The following MANSC1 variants were observed in gnomAD, a reference collection of about 807,000 sequenced individuals.
The protein encoded by MANSC1 is MANSC domain containing 1.
A neutral mutation model predicts 14.1 loss-of-function variants in MANSC1; 13 were observed. The ratio of observed to expected loss-of-function variants is 0.92; its 90% CI spans 0.60 to 1.46. MANSC1 has a LOEUF of 1.46. Ranked by LOEUF, MANSC1 falls within the 40% of genes most tolerant of loss-of-function variation. MANSC1 has a pLI of 0.00. For synonymous variants in MANSC1, 227 were observed against 200.7 expected (o/e 1.13, Z -1.11); for missense variants, 486 against 511.4 (o/e 0.95, Z 0.48).
chr12:12,330,187 A>G lies in MANSC1; in HGVS notation c.1136T>C (p.Leu379Pro). ...QGSVPENQYG[L>P]PFEKWLLIGS... Reference sequence around the variant, plus strand: ...GATAAGAAGCCATTTTTCAAATGGAAGGCCGTACTGATTTTCTGGAACACT... The same window carrying G: ...GATAAGAAGCCATTTTTCAAATGGAGGGCCGTACTGATTTTCTGGAACACT... Residue 379 changes from leucine (L) to proline (P), a missense_variant, in exon 4 of 4, where the codon CTT becomes CCT. Physicochemically the swap from Leu to Pro is moderately conservative, Grantham distance 98 (BLOSUM62 -3). Transcript: ENST00000535902. 1 of 1,614,204 alleles carries G rather than the reference A, an allele frequency of 6.2e-7. No individual in the cohort carries two copies. Among genetic ancestry groups the G allele is most frequent in the South Asian group, 1.1e-5 (1 of 91,086 alleles).
Position 12,328,991 on chromosome 12 carries a change from C to CACACAT in MANSC1, c.*1035_*1036insATGTGT, listed in dbSNP as rs1002464868. Reference sequence around the variant, plus strand: ...TGACAGAGCAAGACTCTGTCACACACACACACACACACACACACACACACA... The same window carrying CACACAT: ...TGACAGAGCAAGACTCTGTCACACACACACATACACACACACACACACACACACACA... On this transcript the variant is annotated 3_prime_UTR_variant, in exon 4 of 4. Coordinates refer to ENST00000535902, the MANE Select transcript of MANSC1 (RefSeq NM_018050.4). The CACACAT allele has an allele frequency of 7.1e-6, 1 of 139,928 alleles. No homozygotes were observed. The highest frequency in any genetic ancestry group is 3.3e-5 in the African/African-American group (1 of 30,474). The allele number at this position is 139,928 out of a possible 1,614,324, so 8.7% of individuals were successfully genotyped here.
Position 12,328,594 on chromosome 12 carries a change from C to T in MANSC1, c.*1433G>A, listed in dbSNP as rs112862548. ...ATTTCCAATGTTGTTCTAAATTAAGCTTAGACTGATTGCTGGTCAATTTAA... is the reference window on the plus strand; with the variant it reads ...ATTTCCAATGTTGTTCTAAATTAAGTTTAGACTGATTGCTGGTCAATTTAA... On this transcript the variant is annotated 3_prime_UTR_variant, in exon 4 of 4. Coordinates refer to ENST00000535902, the MANE Select transcript of MANSC1 (RefSeq NM_018050.4). The T allele has an allele frequency of 0.088, 13,379 of 151,344 alleles. 657 individuals carry two copies. Among genetic ancestry groups the T allele is most frequent in the South Asian group, 0.13 (630 of 4,798 alleles). 9.4% of individuals were successfully genotyped at this position (151,344 alleles called of 1,614,324 possible).
Position 12,329,655 on chromosome 12 carries a change from G to A in MANSC1, c.*372C>T. 6.1e-6 allele frequency: 1 copy of A among 164,798 alleles called. No individual in the cohort carries two copies. Among genetic ancestry groups the A allele is most frequent in the Non-Finnish European group, 1.3e-5 (1 of 75,662 alleles). The allele number at this position is 164,798 out of a possible 1,614,324, so 10.2% of individuals were successfully genotyped here. ...AATCCCAGCACTTTGGGAGGCCGAG[G>A]AGGGTGGATCACTAGGTCAGGAGTT... On this transcript the variant is annotated 3_prime_UTR_variant, in exon 4 of 4. Transcript: ENST00000535902.
At chr12:12,340,969 C>T (rs79565015) in intron 2 of MANSC1, among the ~76,000 whole-genome samples, 3,884 of 152,232 alleles carry the variant, frequency 0.026, 173 homozygotes, top group African/African-American at 0.085. Context: ...CCCAAGTATA[C>T]GGTGTCTTCT....
intron 2 of MANSC1, among the ~76,000 whole-genome samples, chr12:12,339,854 C>T (rs1862911639): frequency 6.6e-6 from 1 of 151,960 alleles, no homozygotes. Context: ...GCTCTGTCAT[C>T]CAAGCTGCAG....
At chr12:12,346,058 G>C (rs1322714982) in intron 1 of MANSC1, among the ~76,000 whole-genome samples, 1 of 152,176 alleles carries the variant, frequency 6.6e-6, no homozygotes, top group Non-Finnish European at 1.5e-5. Flanking sequence ...CAGATCATGA[G>C]GTCAGGAGAT....
At chr12:12,344,235 C>G (rs955563268) in intron 1 of MANSC1, among the ~76,000 whole-genome samples, 1 of 151,622 alleles carries the variant, frequency 6.6e-6, no homozygotes, top group Non-Finnish European at 1.5e-5. Flanking sequence ...AATCTTTATA[C>G]CAACTGTAAT....
intron 1 of MANSC1, among the ~76,000 whole-genome samples, chr12:12,345,092 G>A (rs1169773355): frequency 1.3e-5 from 2 of 148,990 alleles, no homozygotes; most frequent in African/African-American, 2.5e-5. Context: ...AAGTCACGTG[G>A]GCGGATCACC....
Position 12,338,455 on chromosome 12 carries a change from G to T in MANSC1, c.329C>A (p.Pro110Gln), listed in dbSNP as rs775604805. The change falls in exon 3 of 4, where the codon CCA (proline) becomes CAA (glutamine). Residue 110 changes from proline (P) to glutamine (Q), a missense_variant. Transcript: ENST00000535902. The stretch of plus-strand genomic sequence containing the variant: ...CCTGTAACTCATAAGTCCTTTTGCT[G>T]GTTTCAATGGACAGGCTTCCTCGTT... ...CPNEEACPLK[P>Q]AKGLMSYRII... The T allele has an allele frequency of 6.2e-7, 1 of 1,609,414 alleles. No individual in the cohort carries two copies. The highest frequency in any genetic ancestry group is 1.1e-5 in the South Asian group (1 of 90,070).
intron 3 of MANSC1, among the ~76,000 whole-genome samples, chr12:12,335,413 T>C (rs1862846001): frequency 6.6e-6 from 1 of 151,458 alleles, no homozygotes; most frequent in East Asian, 2.0e-4. Context: ...CAATCTCAGC[T>C]CACTGCAACC....
At chr12:12,344,107 T>C (rs949299672) in intron 1 of MANSC1, among the ~76,000 whole-genome samples, 1 of 151,950 alleles carries the variant, frequency 6.6e-6, no homozygotes, top group Non-Finnish European at 1.5e-5. Context: ...AGCGAGACCA[T>C]GTCTCAAAAA....
At chr12:12,348,729 A>C (rs1269630411) in intron 1 of MANSC1, among the ~76,000 whole-genome samples, 1 of 151,780 alleles carries the variant, frequency 6.6e-6, no homozygotes, top group African/African-American at 2.4e-5. Flanking sequence ...AAAAAAAAAA[A>C]AAACCCAGAA....
rs1217661082 is a variant in MANSC1, at chr12:12,328,520, T to C, written c.*1507A>G. On this transcript the variant is annotated 3_prime_UTR_variant, in exon 4 of 4. Coordinates refer to ENST00000535902, the MANE Select transcript of MANSC1 (RefSeq NM_018050.4). The stretch of plus-strand genomic sequence containing the variant: ...ATTTGCCCATCTCGGCCTCCCAAAG[T>C]GCTGGGATTACAGGCGTGAGCCACC... The C allele has an allele frequency of 1.3e-5, 2 of 150,938 alleles. No homozygotes were observed. The highest frequency in any genetic ancestry group is 2.9e-5 in the Non-Finnish European group (2 of 67,952). The allele number at this position is 150,938 out of a possible 1,614,324, so 9.3% of individuals were successfully genotyped here.
rs1229473877 is a variant in MANSC1, at chr12:12,326,885, A to C, written c.*3142T>G. ...GAGTGCAATGGAGCGATCTTGGCTC[A>C]CTGCAACCGCCCCCTCCCGGCCTCA... On this transcript the variant is annotated 3_prime_UTR_variant, in exon 4 of 4. Transcript: ENST00000535902. 2 of 152,154 alleles carry C rather than the reference A, an allele frequency of 1.3e-5. No individual in the cohort carries two copies. Among genetic ancestry groups the C allele is most frequent in the African/African-American group, 4.8e-5 (2 of 41,398 alleles). The allele number at this position is 152,154 out of a possible 1,614,324, so 9.4% of individuals were successfully genotyped here. A position where few individuals can be genotyped will look rare whatever the true frequency, so the allele number is the denominator to read the frequency against.
chr12:12,345,476 G>C (rs1362768805), intron 1 of MANSC1, among the ~76,000 whole-genome samples: 1 of 152,214 alleles, frequency 6.6e-6, no homozygotes, highest in South Asian at 2.1e-4. Context: ...GGAGGAATAC[G>C]CTGCCTCAGT....
rs1323355046 is a variant in MANSC1, at chr12:12,330,321, A to G, written c.1002T>C (p.Asn334=). The G allele has an allele frequency of 6.2e-7, 1 of 1,614,210 alleles. No homozygotes were observed. The highest frequency in any genetic ancestry group is 2.2e-5 in the East Asian group (1 of 44,892). The part of the protein sequence containing the change: ...EISNLTLNTG[N]VYNPTALSMS... ...TAGAAAGTGCAGTAGGGTTATACAC[A>G]TTCCCTGTGTTCAAAGTTAGGTTGG... Residue 334 remains asparagine, a synonymous_variant, in exon 4 of 4, where the codon AAT becomes AAC. Coordinates refer to ENST00000535902, the MANE Select transcript of MANSC1 (RefSeq NM_018050.4).
intron 1 of MANSC1, among the ~76,000 whole-genome samples, chr12:12,343,874 G>A (rs1862970328): frequency 6.6e-6 from 1 of 152,192 alleles, no homozygotes; most frequent in South Asian, 2.1e-4. Flanking sequence ...CACTTTGGAA[G>A]GCTGAGGTGG....
In MANSC1 at chr12:12,329,799, G is replaced by A. The variant is rs1304920913; in HGVS notation, c.*228C>T. ...CTTAGGAGGCTGAGGCAGGAGAATC[G>A]CTTGAACCCAGGAGACGGAGGTTGC... On this transcript the variant is annotated 3_prime_UTR_variant, in exon 4 of 4. Transcript: ENST00000535902. 5 of 474,674 alleles carry A rather than the reference G, an allele frequency of 1.1e-5. No homozygotes were observed. The highest frequency in any genetic ancestry group is 3.9e-5 in the African/African-American group (2 of 51,310). The allele number at this position is 474,674 out of a possible 1,614,324, so 29.4% of individuals were successfully genotyped here.
At chr12:12,339,240 A>G (rs991087762) in intron 2 of MANSC1, 1 of 153,794 alleles carries the variant, frequency 6.5e-6, no homozygotes, top group African/African-American at 2.4e-5. Context: ...TGTTGCCTAC[A>G]AAACTGGGAT....
Sources: gnomAD v4.1 joint callset for allele counts (sites outside exome capture counted in the v4.1 genomes callset) on GRCh38, gnomAD v4.1.1 for gene constraint, MANE v1.5 for transcripts, NCBI Gene and HGNC (gene_info 2026-07-23, HGNC 2026-07-21) for gene names.